AGBL4: variants seen among roughly 807,000 people sequenced by gnomAD.
The protein encoded by AGBL4 is cytosolic carboxypeptidase 6.
In AGBL4, 58 loss-of-function variants were observed where a neutral mutation model predicts 66.4. The observed-to-expected ratio is 0.87, with a 90% confidence interval of 0.71 to 1.09. The LOEUF (loss-of-function observed/expected upper bound fraction) is 1.09, where lower values mean the gene tolerates loss of function less well. Among genes scored for constraint, AGBL4 ranks in the 50% least tolerant of loss-of-function variants. The pLI is 0.00. For missense variants in AGBL4, 579 were observed against 631.0 expected (o/e 0.92, Z 0.88); for synonymous variants, 234 against 222.9 (o/e 1.05, Z -0.44).
intron 4 of AGBL4, among the ~76,000 whole-genome samples, chr1:49,243,764 T>C (rs556567622): frequency 1.3e-5 from 2 of 151,910 alleles, no homozygotes; most frequent in South Asian, 2.1e-4. Context: ...TAAGTAGCTT[T>C]GTATCCAAGT....
chr1:48,819,040 A>T (rs1210271283), intron 6 of AGBL4, among the ~76,000 whole-genome samples: 2 of 152,174 alleles, frequency 1.3e-5, no homozygotes, highest in East Asian at 3.9e-4. Flanking sequence ...TTTGCCCTCA[A>T]AGCTTCATGA....
intron 9 of AGBL4, among the ~76,000 whole-genome samples, chr1:48,621,768 G>A (rs1460650002): frequency 6.6e-6 from 1 of 151,530 alleles, no homozygotes; most frequent in African/African-American, 2.4e-5. Context: ...CCACTGTTAG[G>A]CATTTAGATT....
chr1:49,026,482 T>G (rs984601603), intron 5 of AGBL4, among the ~76,000 whole-genome samples: 1 of 152,160 alleles, frequency 6.6e-6, no homozygotes, highest in Non-Finnish European at 1.5e-5. Flanking sequence ...ATGAGTTCAC[T>G]TATAGCTGAG....
In AGBL4 at chr1:48,953,331, T is replaced by C. The variant is rs376517667; in HGVS notation, c.595-86101A>G. Among the ~76,000 whole-genome samples, 77 of 152,274 alleles carry C rather than the reference T, an allele frequency of 5.1e-4. 2 individuals are homozygous for C. In the South Asian group the frequency reaches 0.014, roughly 28 times the overall value. Reference sequence around the variant, plus strand: ...CACTTCTGGGCCACCGATTCAACTTTATTGCAACTACTATGCTGCCAGCAC... The same window carrying C: ...CACTTCTGGGCCACCGATTCAACTTCATTGCAACTACTATGCTGCCAGCAC... On this transcript the variant is annotated intron_variant, in intron 5 of 13. Coordinates refer to ENST00000371839, the MANE Select transcript of AGBL4 (RefSeq NM_032785.4).
At chr1:49,461,053 G>T (rs1646501098) in intron 3 of AGBL4, among the ~76,000 whole-genome samples, 1 of 151,604 alleles carries the variant, frequency 6.6e-6, no homozygotes, top group Admixed American at 6.6e-5. Context: ...CTTGACTTTA[G>T]ATAGCCTGAT....
rs1016164427 is a variant in AGBL4 at position 49,880,731 on chromosome 1, G to T, written c.35-29213C>A. Among the ~76,000 whole-genome samples the T allele has an allele frequency of 2.9e-3, 439 of 152,260 alleles. 9 individuals are homozygous for T. Among genetic ancestry groups the T allele is most frequent in the Non-Finnish European group, 4.3e-3 (293 of 68,024 alleles). Reference sequence around the variant, plus strand: ...CTGCTTTGTTTACCTAAGCAAGCCTGGGCAATGGCGGGCGCCCCTCCCCCA... The same window carrying T: ...CTGCTTTGTTTACCTAAGCAAGCCTTGGCAATGGCGGGCGCCCCTCCCCCA... On this transcript the variant is annotated intron_variant, in intron 1 of 13. Coordinates refer to ENST00000371839, the MANE Select transcript of AGBL4 (RefSeq NM_032785.4).
intron 6 of AGBL4, among the ~76,000 whole-genome samples, chr1:48,678,122 G>A (rs151233304): frequency 0.023 from 3,458 of 152,204 alleles, 56 homozygotes; most frequent in Middle Eastern, 0.071. Context: ...CAGGGACAGG[G>A]CAGCCTGACA....
intron 6 of AGBL4, among the ~76,000 whole-genome samples, chr1:48,734,300 C>T (rs1406230793): frequency 6.6e-6 from 1 of 152,164 alleles, no homozygotes; most frequent in Non-Finnish European, 1.5e-5. Context: ...TAGCTTTGAC[C>T]TCAGGCTGGT....
intron 2 of AGBL4, among the ~76,000 whole-genome samples, chr1:49,813,551 A>C (rs1645158747): frequency 6.6e-6 from 1 of 152,140 alleles, no homozygotes; most frequent in Admixed American, 6.6e-5. Flanking sequence ...GACTCTGCTC[A>C]TTCATTCTTC....
At chr1:49,169,905 C>T (rs1646702501) in intron 4 of AGBL4, among the ~76,000 whole-genome samples, 2 of 152,112 alleles carry the variant, frequency 1.3e-5, no homozygotes, top group Admixed American at 6.6e-5. Flanking sequence ...GAATATTTTT[C>T]TCACTTATAA....
At position 49,122,137 on chromosome 1, in the gene AGBL4, A is replaced by T. The variant is rs117967136; in HGVS notation, c.378-76337T>A. ...TGTCACAGCTTCCCTTGGCTAGGAA[A>T]GGGAAATCCCTCAACCCCTTGCACT... On this transcript the variant is annotated intron_variant, in intron 4 of 13. Coordinates refer to ENST00000371839, the MANE Select transcript of AGBL4 (RefSeq NM_032785.4). Among the ~76,000 whole-genome samples the T allele has an allele frequency of 2.0e-3, 302 of 152,320 alleles. 8 individuals are homozygous for T. In the East Asian group the frequency reaches 0.054, roughly 27 times the overall value.
chr1:49,440,493 G>A (rs1240947178), intron 3 of AGBL4, among the ~76,000 whole-genome samples: 1 of 152,200 alleles, frequency 6.6e-6, no homozygotes, highest in East Asian at 1.9e-4. Context: ...GGAGTTTAGT[G>A]ACTCTATACA....
intron 3 of AGBL4, among the ~76,000 whole-genome samples, chr1:49,683,787 G>A (rs1646739998): frequency 6.6e-6 from 1 of 152,156 alleles, no homozygotes; most frequent in African/African-American, 2.4e-5. Context: ...TTTTATCTGA[G>A]TAATTAAGTA....
chr1:48,588,562 T>C (rs909486223), intron 10 of AGBL4, among the ~76,000 whole-genome samples: 10 of 152,046 alleles, frequency 6.6e-5, no homozygotes, highest in South Asian at 2.1e-4. Context: ...AGAGAATACA[T>C]GTCTTATTCG....
intron 1 of AGBL4, among the ~76,000 whole-genome samples, chr1:49,888,188 A>G (rs534851091): frequency 4.0e-4 from 61 of 152,322 alleles, no homozygotes; most frequent in Non-Finnish European, 7.6e-4. Flanking sequence ...CAACTGCACA[A>G]ATATTGATCC....
chr1:49,411,890 A>G (rs1051242977), intron 3 of AGBL4, among the ~76,000 whole-genome samples: 7 of 152,166 alleles, frequency 4.6e-5, no homozygotes, highest in African/African-American at 1.4e-4. Flanking sequence ...TGGCAGTAAG[A>G]ACCTGTGAAA....
rs143040809 is a variant in AGBL4 at position 48,637,238 on chromosome 1, T to G, written c.840-2634A>C. 6.7e-3 allele frequency among the ~76,000 whole-genome samples: 1,013 copies of G among 152,328 alleles called. 6 individuals are homozygous for G. The highest frequency in any genetic ancestry group is 0.01 in the Non-Finnish European group (708 of 68,030). ...ATGTGAATGACATGGACTAATAGTT[T>G]TGCAGTCCATTGGAGGCTGGAATGG... On this transcript the variant is annotated intron_variant, in intron 8 of 13. Coordinates refer to ENST00000371839, the MANE Select transcript of AGBL4 (RefSeq NM_032785.4).
Position 48,547,285 on chromosome 1 carries a change from C to T in AGBL4, c.1268-7547G>A, listed in dbSNP as rs6662439. On this transcript the variant is annotated intron_variant, in intron 11 of 13. Coordinates refer to ENST00000371839, the MANE Select transcript of AGBL4 (RefSeq NM_032785.4). ...TGGAAGCAGGCAGAGTAGCTAGGGA[C>T]GACTGCAATGGTACAGGGGAAGAAA... Among the ~76,000 whole-genome samples, 1,158 of 152,072 alleles carry T rather than the reference C, an allele frequency of 7.6e-3. 13 individuals are homozygous for T. The highest frequency in any genetic ancestry group is 0.027 in the African/African-American group (1,109 of 41,468).
intron 1 of AGBL4, among the ~76,000 whole-genome samples, chr1:49,923,658 T>C (rs1652486994): frequency 6.6e-6 from 1 of 151,974 alleles, no homozygotes; most frequent in Non-Finnish European, 1.5e-5. Context: ...GCAAGGGACA[T>C]GAACAGACAC....
Sources: gnomAD v4.1 joint callset for allele counts (sites outside exome capture counted in the v4.1 genomes callset) on GRCh38, gnomAD v4.1.1 for gene constraint, MANE v1.5 for transcripts, NCBI Gene and HGNC (gene_info 2026-07-23, HGNC 2026-07-21) for gene names.